The following GRAMD1B variants were observed in gnomAD, a reference collection of about 807,000 sequenced individuals.
GRAMD1B encodes the protein GRAM domain containing 1B.
GRAMD1B carries 37 observed loss-of-function variants against 99.7 expected under a neutral mutation model. The ratio of observed to expected loss-of-function variants is 0.37; its 90% CI spans 0.29 to 0.49. The LOEUF (loss-of-function observed/expected upper bound fraction) is 0.49, where lower values mean the gene tolerates loss of function less well. GRAMD1B is among the 20% of genes least tolerant of loss of function. The pLI, the probability that GRAMD1B is intolerant of heterozygous loss-of-function variation, is 0.98. For synonymous variants in GRAMD1B, 427 were observed against 387.6 expected (o/e 1.10, Z -1.19); for missense variants, 888 against 1,009.2 (o/e 0.88, Z 1.63).
At chr11:123,549,707 C>G (rs990527014) in intron 2 of GRAMD1B, among the ~76,000 whole-genome samples, 1 of 152,162 alleles carries the variant, frequency 6.6e-6, no homozygotes, top group African/African-American at 2.4e-5. Context: ...TCTGAGTGCT[C>G]ATACTCTATG....
In GRAMD1B at chr11:123,573,491, C is replaced by T. The variant is rs139531258; in HGVS notation, c.453-3876C>T. Among the ~76,000 whole-genome samples the T allele has an allele frequency of 3.4e-3, 525 of 152,280 alleles. 5 individuals carry two copies. The highest frequency in any genetic ancestry group is 0.013 in the Admixed American group (195 of 15,296). On this transcript the variant is annotated intron_variant, in intron 2 of 19. Transcript: ENST00000635736. ...TCCATCTGTGCCTCTTTCTGTCCAC[C>T]GGGCAAACAAACACAATTGAATGCC...
rs1591918191 is a variant in GRAMD1B, at chr11:123,544,647, C to T, written c.453-32720C>T. 2.0e-5 allele frequency among the ~76,000 whole-genome samples: 3 copies of T among 152,232 alleles called. No homozygotes were observed. The South Asian group carries it at 6.2e-4, about 31-fold the overall frequency. On this transcript the variant is annotated intron_variant, in intron 2 of 19. Transcript: ENST00000635736. ...AGGTCCTGGGTTCCCTCCACATCAG[C>T]CATTCCTGCCCTGTCACTGAGCATT... is the stretch of plus-strand genomic sequence containing the variant.
At chr11:123,604,177 T>C (rs1175360033) in intron 9 of GRAMD1B, among the ~76,000 whole-genome samples, 1 of 152,178 alleles carries the variant, frequency 6.6e-6, no homozygotes, top group Non-Finnish European at 1.5e-5. Context: ...CATTTAGATA[T>C]GGAGTGTGGA....
In GRAMD1B at chr11:123,385,394, G is replaced by A. The variant is rs546429098; in HGVS notation, c.-176+26595G>A. ...CATTCTCCTCACTCCTCTCAAACCC[G>A]TCATTAGTTTCCTGGTGCTTACCGA... On this transcript the variant is annotated intron_variant, in intron 1 of 20. Coordinates refer to the GRAMD1B transcript ENST00000638157. Among the ~76,000 whole-genome samples, 4 of 152,136 alleles carry A rather than the reference G, an allele frequency of 2.6e-5. 1 individual carries two copies. The highest frequency in any genetic ancestry group is 4.8e-5 in the African/African-American group (2 of 41,502).
chr11:123,614,714 A>T (rs1273360677), intron 16 of GRAMD1B, 31 bp from the exon 17 acceptor site: 1 of 1,387,384 alleles, frequency 7.2e-7, no homozygotes, highest in Admixed American at 1.7e-5. Context: ...GTGGGTCACC[A>T]TGGTGATGGT....
rs765997865 is a variant in GRAMD1B, at chr11:123,594,720, C to G, written c.770-15C>G. 1.0e-5 allele frequency: 14 copies of G among 1,378,804 alleles called. No homozygotes were observed. The highest frequency in any genetic ancestry group is 1.5e-5 in the Non-Finnish European group (14 of 964,984). The allele number at this position is 1,378,804 out of a possible 1,614,324, so 85.4% of individuals were successfully genotyped here. A position where few individuals can be genotyped will look rare whatever the true frequency, so the allele number is the denominator to read the frequency against. ...TTCCTGCCTCTGAGCTCCCCTACCT[C>G]CGCTCCTACCACAGATTACTCATGT... On this transcript the variant is annotated splice_polypyrimidine_tract_variant and intron_variant, in intron 5 of 19. Transcript: ENST00000635736.
chr11:123,461,973 T>C (rs1227529892), intron 1 of GRAMD1B, among the ~76,000 whole-genome samples: 1 of 141,370 alleles, frequency 7.1e-6, no homozygotes, highest in Non-Finnish European at 1.5e-5. Flanking sequence ...ATTTCTTTTT[T>C]TTTTTTTTTT....
intron 2 of GRAMD1B, among the ~76,000 whole-genome samples, chr11:123,547,441 A>G (rs1205629291): frequency 6.6e-6 from 1 of 152,182 alleles, no homozygotes; most frequent in Non-Finnish European, 1.5e-5. Flanking sequence ...TGAGGATGTG[A>G]AACCAATCTC....
intron 1 of GRAMD1B, among the ~76,000 whole-genome samples, chr11:123,464,947 G>A (rs950967469): frequency 6.6e-6 from 1 of 152,150 alleles, no homozygotes; most frequent in Non-Finnish European, 1.5e-5. Context: ...AAGTGAGGGT[G>A]TGGGAGGCGG....
chr11:123,427,901 T>G (rs1011543352), upstream of GRAMD1B, among the ~76,000 whole-genome samples: 2 of 152,078 alleles, frequency 1.3e-5, no homozygotes, highest in Non-Finnish European at 2.9e-5. Context: ...CTACTGTGAG[T>G]GGGAAAAGTG....
chr11:123,568,359 C>A (rs960569559), intron 2 of GRAMD1B, among the ~76,000 whole-genome samples: 1 of 152,208 alleles, frequency 6.6e-6, no homozygotes, highest in Non-Finnish European at 1.5e-5. Context: ...TGTAAGGTGT[C>A]TCTACCAGTG....
At position 123,528,554 on chromosome 11, in the gene GRAMD1B, C is replaced by T. The variant is rs578007384; in HGVS notation, c.452+47661C>T. On this transcript the variant is annotated intron_variant, in intron 2 of 19. Transcript: ENST00000635736. ...GAAGCAGACACAGAGTTTAAGTGGC[C>T]TGCTTGAAGGCATGCAGATAGGAAC... Among the ~76,000 whole-genome samples the T allele has an allele frequency of 5.9e-5, 9 of 152,228 alleles. No homozygotes were observed. The East Asian group carries it at 1.7e-3, about 29-fold the overall frequency.
intron 7 of GRAMD1B, chr11:123,598,745 A>G (rs1271332992): frequency 1.1e-6 from 1 of 899,594 alleles, no homozygotes; most frequent in Non-Finnish European, 1.9e-6. Flanking sequence ...CCTGCGTCAG[A>G]GCACTGCTTG....
At chr11:123,432,919 G>C (rs1948967418) in intron 1 of GRAMD1B, among the ~76,000 whole-genome samples, 1 of 152,196 alleles carries the variant, frequency 6.6e-6, no homozygotes. Flanking sequence ...CTCTCAGCAG[G>C]TGCAGATACA....
At chr11:123,462,906 A>AAG (rs1950505030) in intron 1 of GRAMD1B, among the ~76,000 whole-genome samples, 1 of 149,148 alleles carries the variant, frequency 6.7e-6, no homozygotes, top group South Asian at 2.1e-4. Flanking sequence ...AAAAAAAAAA[A>AAG]AAAAAAGAAA....
At chr11:123,514,163 T>C (rs1300474769) in intron 2 of GRAMD1B, among the ~76,000 whole-genome samples, 4 of 151,978 alleles carry the variant, frequency 2.6e-5, no homozygotes, top group African/African-American at 9.7e-5. Flanking sequence ...CAACACAAGG[T>C]AATAGGTTCA....
intron 2 of GRAMD1B, among the ~76,000 whole-genome samples, 170 bp downstream of exon 2, chr11:123,481,063 C>A (rs922079574): frequency 6.6e-6 from 1 of 151,998 alleles, no homozygotes; most frequent in African/African-American, 2.4e-5. Flanking sequence ...AAACTTTCAC[C>A]CCATAAAGGA....
chr11:123,593,230 T>TAAACAAACAAAC (rs372424623), intron 4 of GRAMD1B, among the ~76,000 whole-genome samples: 19 of 151,502 alleles, frequency 1.3e-4, no homozygotes, highest in Middle Eastern at 3.2e-3. Flanking sequence ...AGACTCTGTC[T>TAAACAAACAAAC]AAACAAACAA....
chr11:123,461,091 T>C (rs1431562575), intron 1 of GRAMD1B, among the ~76,000 whole-genome samples: 10 of 152,190 alleles, frequency 6.6e-5, no homozygotes, highest in Non-Finnish European at 1.5e-4. Context: ...TGGGAAGCCA[T>C]AGTCATAAAA....
Sources: gnomAD v4.1 joint callset for allele counts (sites outside exome capture counted in the v4.1 genomes callset) on GRCh38, gnomAD v4.1.1 for gene constraint, MANE v1.5 for transcripts, NCBI Gene and HGNC (gene_info 2026-07-23, HGNC 2026-07-21) for gene names.